The following CCN6 variants were observed in gnomAD, a reference collection of about 807,000 sequenced individuals.
CCN6 encodes CCN family member 6.
CCN6 carries 31 observed loss-of-function variants against 37.4 expected under a neutral mutation model. That is an observed-to-expected ratio of 0.83 (90% CI 0.62 to 1.12). The LOEUF (loss-of-function observed/expected upper bound fraction) is 1.12. Among genes scored for constraint, CCN6 ranks in the 50% most tolerant of loss-of-function variants. CCN6 has a pLI of 0.00. For missense variants in CCN6, 369 were observed against 413.8 expected (o/e 0.89, Z 0.94); for synonymous variants, 137 against 142.1 (o/e 0.96, Z 0.26).
At chr6:112,060,117 A>G (rs1554312506) in intron 1 of CCN6, 2 of 1,351,866 alleles carry the variant, frequency 1.5e-6, no homozygotes, top group South Asian at 1.2e-5. Flanking sequence ...GCAAAGTAAT[A>G]TGGGGAGGGG....
At chr6:112,053,285 A>G (rs1241363357), upstream of CCN6, among the ~76,000 whole-genome samples, 1 of 127,414 alleles carries the variant, frequency 7.8e-6, no homozygotes, top group African/African-American at 3.1e-5. Context: ...ACCTGTCAAA[A>G]TTTTATTTTT....
At chr6:112,065,604 A>C (rs1583582891) in intron 3 of CCN6, among the ~76,000 whole-genome samples, 1 of 133,338 alleles carries the variant, frequency 7.5e-6, no homozygotes, top group Non-Finnish European at 1.6e-5. Flanking sequence ...ACACACAAAC[A>C]CACACGCACA....
chr6:112,056,499 CTT>C (rs1776352371), intron 1 of CCN6, among the ~76,000 whole-genome samples: 1 of 151,806 alleles, frequency 6.6e-6, no homozygotes, highest in African/African-American at 2.4e-5. Context: ...ATGCTTCCCC[CTT>C]TTCTCAGTCT....
chr6:112,053,524 T>A (rs587719719), upstream of CCN6, among the ~76,000 whole-genome samples: 221 of 151,966 alleles, frequency 1.5e-3, 1 homozygote, highest in Non-Finnish European at 2.7e-3. Context: ...CCAGGCTTAT[T>A]TTTAATCTTA....
intron 1 of CCN6, among the ~76,000 whole-genome samples, chr6:112,059,712 T>A (rs1240725344): frequency 1.3e-5 from 2 of 152,218 alleles, no homozygotes; most frequent in Non-Finnish European, 2.9e-5. Flanking sequence ...TATCTGCCTA[T>A]CACATGGTAT....
Position 112,069,461 on chromosome 6 carries a change from G to C in CCN6, c.906G>C (p.Lys302Asn). The C allele has an allele frequency of 6.2e-7, 1 of 1,613,732 alleles. No individual in the cohort carries two copies. Among genetic ancestry groups the C allele is most frequent in the Non-Finnish European group, 8.5e-7 (1 of 1,179,858 alleles). ...CTTTTTGTGGAATATGCTTGGATAAGAGATGCTGTATCCCTAATAAGTCTA... is the reference window on the plus strand; with the variant it reads ...CTTTTTGTGGAATATGCTTGGATAACAGATGCTGTATCCCTAATAAGTCTA... ...KPTFCGICLDKRCCIPNKSKM... is the reference protein window; with the variant it reads ...KPTFCGICLDNRCCIPNKSKM... Residue 302 changes from lysine to asparagine, a missense_variant, in exon 5 of 5, where the codon AAG (lysine) becomes AAC (asparagine). Coordinates refer to ENST00000368666, the MANE Select transcript of CCN6 (RefSeq NM_198239.2).
At chr6:112,067,173 CT>C (rs1170130715) in intron 3 of CCN6, 11,375 of 424,726 alleles carry the variant, frequency 0.027, no homozygotes, top group South Asian at 0.051. Flanking sequence ...ATGAAGAAGG[CT>C]TTTTTTTTTT....
rs587716024 is a variant in CCN6 at position 112,058,892 on chromosome 6, T to C, written c.49-2099T>C. The stretch of plus-strand genomic sequence containing the variant: ...TTCCTGACTAGGGGACCTGAGTGGA[T>C]GGTGACGCCATTCACTAAAATGGGA... On this transcript the variant is annotated intron_variant, in intron 1 of 4. Transcript: ENST00000368666. Among the ~76,000 whole-genome samples the C allele has an allele frequency of 3.1e-4, 47 of 152,296 alleles. 1 individual carries two copies. The East Asian group carries it at 9.1e-3, about 29-fold the overall frequency.
intron 3 of CCN6, among the ~76,000 whole-genome samples, chr6:112,065,638 A>G (rs973912404): frequency 1.5e-5 from 2 of 137,344 alleles, no homozygotes; most frequent in South Asian, 2.2e-4. Context: ...ACACACACAC[A>G]CACACAAACA....
At chr6:112,064,330 C>T (rs1776614800) in intron 2 of CCN6, among the ~76,000 whole-genome samples, 1 of 152,190 alleles carries the variant, frequency 6.6e-6, no homozygotes, top group African/African-American at 2.4e-5. Context: ...TTAACAAAAA[C>T]CATCAGTACC....
chr6:112,060,204 A>G (rs1474938898), intron 1 of CCN6: 1 of 1,241,352 alleles, frequency 8.1e-7, no homozygotes, highest in African/African-American at 1.5e-5. Context: ...GTCACTCCAT[A>G]TGAGCAAAGA....
rs782157855 is a variant in CCN6, at chr6:112,060,959, A to G, written c.49-32A>G. 3.1e-6 allele frequency: 5 copies of G among 1,612,880 alleles called. No individual in the cohort carries two copies. The South Asian group carries it at 4.4e-5, about 14-fold the overall frequency. Reference sequence around the variant, plus strand: ...TGTTATACTATTACATAGAGAAGCTATTTCTAACATCACCTTTATTATCAA... The same window carrying G: ...TGTTATACTATTACATAGAGAAGCTGTTTCTAACATCACCTTTATTATCAA... On this transcript the variant is annotated intron_variant, in intron 1 of 4. Transcript: ENST00000368666.
Position 112,064,976 on chromosome 6 carries a change from A to G in CCN6, c.568A>G (p.Thr190Ala), listed in dbSNP as rs1554313631. The change falls in exon 3 of 5, where the codon ACA becomes GCA. Residue 190 changes from threonine to alanine, a missense_variant. Thr to Ala is a moderately conservative substitution (Grantham distance 58). Coordinates refer to ENST00000368666, the MANE Select transcript of CCN6 (RefSeq NM_198239.2). ...SLEPLLQQLS[T>A]SYKTMPAYRN... is the part of the protein sequence containing the mutation. The stretch of plus-strand genomic sequence containing the variant: ...GGAACCATTACTACAGCAGCTTTCA[A>G]CAAGCTACAAAACAATGCCAGGTGC... 5.0e-6 allele frequency: 8 copies of G among 1,613,902 alleles called. No homozygotes were observed. The East Asian group carries it at 1.3e-4, about 27-fold the overall frequency.
intron 1 of CCN6, among the ~76,000 whole-genome samples, chr6:112,060,753 G>A (rs1776489706): frequency 6.6e-6 from 1 of 152,070 alleles, no homozygotes; most frequent in Non-Finnish European, 1.5e-5. Context: ...GTGAGAAGGA[G>A]CAGTCAGTGA....
At chr6:112,069,193 G>C (rs1554314658) in intron 4 of CCN6, 146 bp from the exon 5 acceptor site, 1 of 848,874 alleles carries the variant, frequency 1.2e-6, no homozygotes. Flanking sequence ...GGGATCTTAA[G>C]GGTAAAGAGA....
At chr6:112,053,313 T>G (rs1383285896), upstream of CCN6, among the ~76,000 whole-genome samples, 2 of 133,466 alleles carry the variant, frequency 1.5e-5, no homozygotes, top group Non-Finnish European at 3.2e-5. Context: ...TTTTTTTTTT[T>G]GAGAATAATT....
At chr6:112,068,443 C>G in intron 4 of CCN6, 45 bp downstream of exon 4, 1 of 1,526,458 alleles carries the variant, frequency 6.6e-7, no homozygotes, top group Non-Finnish European at 8.9e-7. Context: ...TAAGAGATTC[C>G]TGAAAAGTAA....
At chr6:112,059,025 G>T (rs1554312279) in intron 1 of CCN6, among the ~76,000 whole-genome samples, 1 of 152,194 alleles carries the variant, frequency 6.6e-6, no homozygotes, top group African/African-American at 2.4e-5. Context: ...TGAGGTCTAG[G>T]CTGGAGAAAT....
At chr6:112,054,933 T>C (rs1164645368) in intron 1 of CCN6, 3 of 171,792 alleles carry the variant, frequency 1.7e-5, no homozygotes, top group Non-Finnish European at 3.8e-5. Context: ...TGTTTCTCAC[T>C]TCCTGAAAGG....
Sources: gnomAD v4.1 joint callset for allele counts (sites outside exome capture counted in the v4.1 genomes callset) on GRCh38, gnomAD v4.1.1 for gene constraint, MANE v1.5 for transcripts, NCBI Gene and HGNC (gene_info 2026-07-23, HGNC 2026-07-21) for gene names.